The following PRSS23 variants were observed in gnomAD, a reference collection of about 807,000 sequenced individuals.
PRSS23 encodes the protein serine protease 23.
PRSS23 carries 25 observed loss-of-function variants against 34.7 expected under a neutral mutation model. The ratio of observed to expected loss-of-function variants is 0.72; its 90% CI spans 0.53 to 1.01. The LOEUF is 1.01. PRSS23 is among the 50% of genes least tolerant of loss of function. PRSS23 has a pLI of 0.00. For missense variants in PRSS23, 445 were observed against 475.6 expected, an observed-to-expected ratio of 0.94 and a Z score of 0.60; for synonymous variants, 176 against 186.6, an observed-to-expected ratio of 0.94 and a Z score of 0.46.
chr11:86,818,283 C>T (rs753860201), intron 1 of PRSS23, among the ~76,000 whole-genome samples: 20 of 152,130 alleles, frequency 1.3e-4, no homozygotes, highest in Non-Finnish European at 2.9e-4. Flanking sequence ...TTCAGATTTC[C>T]TTTATGCTGT....
intron 1 of PRSS23, among the ~76,000 whole-genome samples, chr11:86,822,641 T>C (rs1408803185): frequency 7.7e-6 from 1 of 130,242 alleles, no homozygotes; most frequent in Non-Finnish European, 1.6e-5. Flanking sequence ...AAAAAAAAAA[T>C]GCAGAACTAG....
intron 2 of PRSS23, among the ~76,000 whole-genome samples, chr11:86,943,398 G>C (rs914266544): frequency 6.6e-6 from 1 of 152,218 alleles, no homozygotes; most frequent in African/African-American, 2.4e-5. Flanking sequence ...GCTGAGGCGG[G>C]AGGATCGCCT....
At chr11:86,865,237 G>A (rs1948642073) in intron 2 of PRSS23, among the ~76,000 whole-genome samples, 1 of 152,158 alleles carries the variant, frequency 6.6e-6, no homozygotes, top group South Asian at 2.1e-4. Context: ...GCAAGTTGAG[G>A]TTTCAATTCC....
chr11:86,826,391 C>T (rs1334718055), intron 2 of PRSS23, among the ~76,000 whole-genome samples: 6 of 152,078 alleles, frequency 3.9e-5, no homozygotes, highest in Non-Finnish European at 7.4e-5. Flanking sequence ...GGAGATTTTG[C>T]GCTGAGACGA....
chr11:86,886,638 C>T lies in PRSS23; in HGVS notation c.206+63045C>T, dbSNP rs182881436. ...TGTTATGAAGATTAAATGTAATAGT[C>T]CCCATAAAGTGGACTTGCAGCCAGG... is the stretch of plus-strand genomic sequence containing the variant. On this transcript the variant is annotated intron_variant, in intron 2 of 2. Coordinates refer to the PRSS23 transcript ENST00000533902. Among the ~76,000 whole-genome samples the T allele has an allele frequency of 2.1e-3, 318 of 152,314 alleles. 2 individuals carry two copies. The highest frequency in any genetic ancestry group is 0.01 in the Middle Eastern group (3 of 294).
chr11:86,931,734 G>C (rs377479878), intron 2 of PRSS23, among the ~76,000 whole-genome samples: 6 of 152,050 alleles, frequency 3.9e-5, no homozygotes. Flanking sequence ...CTCAAGCTCC[G>C]GAGCTCAAGT....
At chr11:86,807,078 A>T (rs1437462476) in intron 1 of PRSS23, among the ~76,000 whole-genome samples, 1 of 152,168 alleles carries the variant, frequency 6.6e-6, no homozygotes, top group Non-Finnish European at 1.5e-5. Flanking sequence ...AAACCACAGG[A>T]GTGGTGGTAA....
At chr11:86,927,941 CAAA>C (rs757273991) in intron 2 of PRSS23, among the ~76,000 whole-genome samples, 1 of 134,032 alleles carries the variant, frequency 7.5e-6, no homozygotes. Flanking sequence ...AACTCCGTCT[CAAA>C]AAAAAAAAAA....
intron 2 of PRSS23, chr11:86,823,610 T>G (rs371479731): frequency 1.4e-6 from 1 of 702,522 alleles, no homozygotes. Flanking sequence ...TCATATCAGA[T>G]TATCACAAAG....
chr11:86,857,347 T>C, intron 2 of PRSS23: 1 of 285,898 alleles, frequency 3.5e-6, no homozygotes, highest in Non-Finnish European at 6.3e-6. Context: ...GACAATTTTA[T>C]AGTAAGACAA....
At chr11:86,902,438 G>A (rs1948917711) in intron 2 of PRSS23, among the ~76,000 whole-genome samples, 1 of 152,112 alleles carries the variant, frequency 6.6e-6, no homozygotes, top group African/African-American at 2.4e-5. Context: ...ACCTAGATAA[G>A]GGTCCTCACC....
intron 2 of PRSS23, among the ~76,000 whole-genome samples, chr11:86,915,307 G>A (rs1396087276): frequency 6.6e-6 from 1 of 152,162 alleles, no homozygotes; most frequent in African/African-American, 2.4e-5. Flanking sequence ...CACCCAGAGT[G>A]TGGCAATAGG....
chr11:86,899,243 G>T (rs547553101), intron 2 of PRSS23, among the ~76,000 whole-genome samples: 1 of 152,232 alleles, frequency 6.6e-6, no homozygotes, highest in Admixed American at 6.5e-5. Context: ...CCCTGGCCAG[G>T]CGTGGCTTCT....
intron 2 of PRSS23, among the ~76,000 whole-genome samples, chr11:86,874,165 G>T (rs2511889): frequency 0.57 from 86,427 of 151,938 alleles, 25,512 homozygotes; most frequent in African/African-American, 0.73. Flanking sequence ...AGTGCAGTTC[G>T]AAGGAAGTTC....
chr11:86,829,837 G>A (rs944509756), intron 2 of PRSS23, among the ~76,000 whole-genome samples: 34 of 151,702 alleles, frequency 2.2e-4, no homozygotes, highest in East Asian at 7.7e-4. Flanking sequence ...CTGTCTGATC[G>A]TTCCTCTGGA....
chr11:86,835,354 A>G (rs1036339541), intron 2 of PRSS23, among the ~76,000 whole-genome samples: 4 of 152,214 alleles, frequency 2.6e-5, no homozygotes, highest in Admixed American at 6.5e-5. Context: ...CAGGTATGCC[A>G]TGGGTTGCAA....
At chr11:86,851,904 A>G (rs181745332) in intron 2 of PRSS23, among the ~76,000 whole-genome samples, 64 of 152,306 alleles carry the variant, frequency 4.2e-4, no homozygotes, top group African/African-American at 1.5e-3. Context: ...GAAAAGGACA[A>G]CCATTGGTGG....
At chr11:86,907,940 C>T (rs953101527) in intron 2 of PRSS23, among the ~76,000 whole-genome samples, 9 of 152,212 alleles carry the variant, frequency 5.9e-5, no homozygotes, top group Admixed American at 2.6e-4. Flanking sequence ...ACAAGTTTGA[C>T]TATTTCAGAT....
At chr11:86,816,433 A>C (rs1948215721) in intron 1 of PRSS23, among the ~76,000 whole-genome samples, 2 of 152,346 alleles carry the variant, frequency 1.3e-5, no homozygotes, top group Admixed American at 6.5e-5. Context: ...TCTTGGCCTC[A>C]GTACAATGGA....
Sources: gnomAD v4.1 joint callset for allele counts (sites outside exome capture counted in the v4.1 genomes callset) on GRCh38, gnomAD v4.1.1 for gene constraint, MANE v1.5 for transcripts, NCBI Gene and HGNC (gene_info 2026-07-23, HGNC 2026-07-21) for gene names.